BMP6: variants seen among roughly 807,000 people sequenced by gnomAD.
BMP6 encodes VG-1-R.
Under a neutral mutation model 54.1 loss-of-function variants are expected in BMP6, and 17 were observed. That is an observed-to-expected ratio of 0.31 (90% CI 0.22 to 0.47). The LOEUF (loss-of-function observed/expected upper bound fraction) is 0.47, where lower values mean the gene tolerates loss of function less well. Ranked by LOEUF, BMP6 falls within the 20% of genes least tolerant of loss-of-function variation. The pLI is 1.00. For synonymous variants in BMP6, 328 were observed against 291.2 expected (o/e 1.13, Z -1.28); for missense variants, 720 against 690.4 (o/e 1.04, Z -0.48).
At chr6:7,859,130 G>GATTCATGTTCTCCCTCTTTA (rs1759295408) in intron 2 of BMP6, among the ~76,000 whole-genome samples, 1 of 152,012 alleles carries the variant, frequency 6.6e-6, no homozygotes, top group Non-Finnish European at 1.5e-5. Flanking sequence ...TTTAACTTTT[G>GATTCATGTTCTCCCTCTTTA]ATTCATGTTC....
intron 1 of BMP6, among the ~76,000 whole-genome samples, chr6:7,746,203 T>C (rs1052548537): frequency 1.3e-5 from 2 of 152,158 alleles, no homozygotes; most frequent in Non-Finnish European, 2.9e-5. Context: ...CTACTGGTGC[T>C]GGCACAGTAC....
chr6:7,798,486 A>T (rs1404030117), intron 1 of BMP6, among the ~76,000 whole-genome samples: 4 of 152,228 alleles, frequency 2.6e-5, no homozygotes, highest in Admixed American at 1.3e-4. Flanking sequence ...GCGCATGAGC[A>T]TCTCAGCAAG....
intron 4 of BMP6, among the ~76,000 whole-genome samples, chr6:7,867,786 C>CA (rs758686662): frequency 7.4e-4 from 113 of 151,748 alleles, no homozygotes; most frequent in Non-Finnish European, 1.0e-3. Context: ...TTAGAATCAC[C>CA]AAAAAAAAGT....
At chr6:7,784,808 A>G (rs1256180029) in intron 1 of BMP6, among the ~76,000 whole-genome samples, 1 of 152,206 alleles carries the variant, frequency 6.6e-6, no homozygotes, top group Non-Finnish European at 1.5e-5. Context: ...AGGAGGGACC[A>G]GCTGTCCCCA....
At chr6:7,869,040 A>G (rs1476485199) in intron 4 of BMP6, among the ~76,000 whole-genome samples, 1 of 152,240 alleles carries the variant, frequency 6.6e-6, no homozygotes, top group Non-Finnish European at 1.5e-5. Context: ...ACTGGGACCC[A>G]GGCTGGCTCT....
At chr6:7,861,933 G>A (rs1456471438) in intron 3 of BMP6, among the ~76,000 whole-genome samples, 2 of 152,134 alleles carry the variant, frequency 1.3e-5, no homozygotes, top group East Asian at 1.9e-4. Context: ...AAATCCTGAC[G>A]GATGAACAGG....
intron 1 of BMP6, among the ~76,000 whole-genome samples, chr6:7,834,257 AC>A (rs1758838002): frequency 6.6e-6 from 1 of 151,468 alleles, no homozygotes; most frequent in Non-Finnish European, 1.5e-5. Flanking sequence ...TCAATTAAAA[AC>A]TACCAAAAAA....
intron 1 of BMP6, among the ~76,000 whole-genome samples, chr6:7,798,648 A>C (rs1581252198): frequency 6.6e-6 from 1 of 152,074 alleles, no homozygotes; most frequent in East Asian, 1.9e-4. Context: ...TTCCTTCCAC[A>C]CTCACTCACT....
chr6:7,875,929 A>G (rs1759609172), intron 4 of BMP6, among the ~76,000 whole-genome samples: 1 of 152,140 alleles, frequency 6.6e-6, no homozygotes, highest in South Asian at 2.1e-4. Flanking sequence ...CGTACTACCC[A>G]TTCTTGATGT....
intron 4 of BMP6, among the ~76,000 whole-genome samples, chr6:7,871,793 C>T (rs1375204890): frequency 6.6e-6 from 1 of 152,190 alleles, no homozygotes; most frequent in Non-Finnish European, 1.5e-5. Flanking sequence ...GTAGCGCTAC[C>T]TGTGTGTGAG....
intron 1 of BMP6, among the ~76,000 whole-genome samples, chr6:7,750,738 A>G (rs1013226310): frequency 3.9e-5 from 6 of 152,162 alleles, no homozygotes; most frequent in African/African-American, 1.4e-4. Context: ...GAAAGATTTA[A>G]AATGGCAAGA....
chr6:7,781,900 CCTT>C (rs1317440656), intron 1 of BMP6, among the ~76,000 whole-genome samples: 1 of 151,374 alleles, frequency 6.6e-6, no homozygotes, highest in Non-Finnish European at 1.5e-5. Flanking sequence ...AGGGTCTCCA[CCTT>C]CTTTCCAAGA....
intron 1 of BMP6, among the ~76,000 whole-genome samples, chr6:7,806,699 CT>C (rs1234822434): frequency 1.3e-5 from 2 of 151,392 alleles, no homozygotes; most frequent in Non-Finnish European, 1.5e-5. Context: ...TTATCTTTTT[CT>C]TTTCTTGGGT....
chr6:7,737,008 C>T (rs921548318), intron 1 of BMP6, among the ~76,000 whole-genome samples: 1 of 151,994 alleles, frequency 6.6e-6, no homozygotes, highest in Non-Finnish European at 1.5e-5. Flanking sequence ...GCCAACATGG[C>T]AAAACCCTGT....
At chr6:7,847,814 C>T (rs1207408616) in intron 2 of BMP6, among the ~76,000 whole-genome samples, 2 of 151,960 alleles carry the variant, frequency 1.3e-5, no homozygotes, top group African/African-American at 4.8e-5. Flanking sequence ...AAAGAAATGA[C>T]GGGACCAGGT....
At chr6:7,862,571 T>A in intron 4 of BMP6, 73 bp downstream of exon 4, 1 of 1,571,224 alleles carries the variant, frequency 6.4e-7, no homozygotes, top group South Asian at 1.1e-5. Flanking sequence ...GTGTCCACAG[T>A]CTCAGATGTC....
chr6:7,747,740 G>A (rs536672990), intron 1 of BMP6, among the ~76,000 whole-genome samples: 5 of 152,196 alleles, frequency 3.3e-5, no homozygotes, highest in East Asian at 1.9e-4. Flanking sequence ...TCAACATCCC[G>A]GGCTCAAGCG....
At chr6:7,758,822 A>G (rs1027799233) in intron 1 of BMP6, among the ~76,000 whole-genome samples, 2 of 152,276 alleles carry the variant, frequency 1.3e-5, no homozygotes, top group African/African-American at 2.4e-5. Flanking sequence ...TCACACGCAC[A>G]TGAGGTGCAG....
intron 1 of BMP6, among the ~76,000 whole-genome samples, chr6:7,784,691 A>G (rs1161449782): frequency 6.6e-6 from 1 of 152,214 alleles, no homozygotes; most frequent in East Asian, 1.9e-4. Context: ...GGGAAGATCA[A>G]ACACAAAAGA....
Sources: allele counts gnomAD v4.1 joint callset (sites outside exome capture counted in the v4.1 genomes callset), GRCh38; gene constraint gnomAD v4.1.1; transcripts MANE v1.5; gene names NCBI Gene and HGNC (gene_info 2026-07-23, HGNC 2026-07-21).